PIK3R4: variants seen among roughly 807,000 people sequenced by gnomAD.
PIK3R4 encodes phosphoinositide-3-kinase regulatory subunit 4, also known as phosphoinositide 3-kinase regulatory subunit 4.
In PIK3R4, 46 loss-of-function variants were observed where a neutral mutation model predicts 136.5. That is an observed-to-expected ratio of 0.34 (90% CI 0.27 to 0.43). The LOEUF (loss-of-function observed/expected upper bound fraction) is 0.43. Ranked by LOEUF, PIK3R4 falls within the 20% of genes least tolerant of loss-of-function variation. PIK3R4 has a pLI of 1.00. For synonymous variants in PIK3R4, 557 were observed against 566.7 expected (o/e 0.98, Z 0.24); for missense variants, 1,331 against 1,649.5 (o/e 0.81, Z 3.35).
chr3:130,733,364 G>C (rs2066768676), intron 4 of PIK3R4, among the ~76,000 whole-genome samples, 184 bp downstream of exon 4: 1 of 152,172 alleles, frequency 6.6e-6, no homozygotes, highest in Admixed American at 6.5e-5. Context: ...TCAAAAGTGA[G>C]AGAACACACA....
intron 2 of PIK3R4, among the ~76,000 whole-genome samples, chr3:130,741,947 C>T (rs1246327379): frequency 6.6e-6 from 1 of 152,194 alleles, no homozygotes; most frequent in East Asian, 1.9e-4. Flanking sequence ...GAAACTGCAA[C>T]TTTAAGTACA....
In PIK3R4 at chr3:130,726,017, G is replaced by C. The variant is rs573393245; in HGVS notation, c.1808-2430C>G. On this transcript the variant is annotated intron_variant, in intron 6 of 19. Coordinates refer to ENST00000356763, the MANE Select transcript of PIK3R4 (RefSeq NM_014602.3). ...TTTGAATAGCTTATAAATGTGTCAT[G>C]AGTTTTAAAAATAAATTCACATTCT... 8 of 152,148 alleles carry C rather than the reference G, an allele frequency of 5.3e-5. No individual in the cohort carries two copies. The South Asian group carries it at 1.7e-3, about 32-fold the overall frequency. 9.4% of individuals were successfully genotyped at this position (152,148 alleles called of 1,614,324 possible). A position where few individuals can be genotyped will look rare whatever the true frequency, so the allele number is the denominator to read the frequency against.
chr3:130,716,751 C>G, intron 8 of PIK3R4, 152 bp from the exon 9 acceptor site: 1 of 604,958 alleles, frequency 1.7e-6, no homozygotes, highest in South Asian at 2.1e-5. Flanking sequence ...AAAAAGAATA[C>G]TAGTAAAATT....
Position 130,707,049 on chromosome 3 carries a change from C to T in PIK3R4, c.2620G>A (p.Ala874Thr), listed in dbSNP as rs755896196. Residue 874 changes from alanine to threonine, a missense_variant, in exon 11 of 20, where the codon GCC becomes ACC. By Grantham distance (58) the Ala-to-Thr change is moderately conservative. Around this residue, in one of 2 missense-constraint regions of PIK3R4, gnomAD observed 1,180 missense variants for 1,407.0 expected, o/e 0.84. Coordinates refer to ENST00000356763, the MANE Select transcript of PIK3R4 (RefSeq NM_014602.3). ...GSLDPPNMPQ[A>T]LPKGSDQEVI... Reference sequence around the variant, plus strand: ...TCCTGATCACTCCCTTTAGGTAGGGCCTGTGGCATGTTTGGTGGGTCCAGT... The same window carrying T: ...TCCTGATCACTCCCTTTAGGTAGGGTCTGTGGCATGTTTGGTGGGTCCAGT... 6 of 1,612,748 alleles carry T rather than the reference C, an allele frequency of 3.7e-6. No homozygotes were observed. The highest frequency in any genetic ancestry group is 2.7e-5 in the African/African-American group (2 of 74,984).
At chr3:130,688,785 G>A (rs1282537118) in intron 14 of PIK3R4, among the ~76,000 whole-genome samples, 1 of 151,996 alleles carries the variant, frequency 6.6e-6, no homozygotes, top group Non-Finnish European at 1.5e-5. Flanking sequence ...TTAGATCAGA[G>A]GTCAGCAAAC....
At position 130,686,302 on chromosome 3, in the gene PIK3R4, A is replaced by G. The variant is rs1291995247; in HGVS notation, c.3384T>C (p.Ser1128=). The G allele has an allele frequency of 3.7e-6, 6 of 1,613,612 alleles. No homozygotes were observed. Among genetic ancestry groups the G allele is most frequent in the Non-Finnish European group, 4.2e-6 (5 of 1,179,568 alleles). ...GCTTTAAAGTCCACGCATTGCTTGA[A>G]GACCTAAGGTCCCAGCCAACCAGAG... is the stretch of plus-strand genomic sequence containing the variant. The part of the protein sequence containing the change: ...NGSLVGWDLR[S]SSNAWTLKHD... Residue 1128 remains serine (S), a synonymous_variant, in exon 15 of 20, where the codon TCT becomes TCC. Coordinates refer to ENST00000356763, the MANE Select transcript of PIK3R4 (RefSeq NM_014602.3).
At chr3:130,735,099 T>A (rs1193694052) in intron 3 of PIK3R4, among the ~76,000 whole-genome samples, 3 of 152,128 alleles carry the variant, frequency 2.0e-5, no homozygotes, top group African/African-American at 7.2e-5. Flanking sequence ...CTACACCAAC[T>A]CCTCATCCAG....
At chr3:130,721,486 G>C (rs1423902728) in intron 7 of PIK3R4, among the ~76,000 whole-genome samples, 1 of 152,122 alleles carries the variant, frequency 6.6e-6, no homozygotes, top group Non-Finnish European at 1.5e-5. Context: ...AGTCGACATA[G>C]GAAATCAATT....
Position 130,723,538 on chromosome 3 carries a change from C to G in PIK3R4, c.1857G>C (p.Leu619=). 1 of 1,613,996 alleles carries G rather than the reference C, an allele frequency of 6.2e-7. No homozygotes were observed. The highest frequency in any genetic ancestry group is 8.5e-7 in the Non-Finnish European group (1 of 1,179,962). ...GWQSSSILKP[L]LQQGLSDAEE... ...CAGCATCACTAAGACCTTGTTGCAG[C>G]AGAGGCTTGAGAATTGAGGAGCTTT... The change falls in exon 7 of 20, where the codon CTG becomes CTC. Residue 619 remains leucine, a synonymous_variant. Transcript: ENST00000356763.
chr3:130,685,399 A>T (rs1401467142), intron 15 of PIK3R4, among the ~76,000 whole-genome samples: 1 of 152,216 alleles, frequency 6.6e-6, no homozygotes, highest in Non-Finnish European at 1.5e-5. Flanking sequence ...TTGTTTGTCA[A>T]AAAAGAAATT....
intron 2 of PIK3R4, 26 bp downstream of exon 2, chr3:130,744,460 T>G (rs563957183): frequency 1.3e-6 from 2 of 1,571,302 alleles, no homozygotes; most frequent in South Asian, 2.4e-5. Context: ...ACATGCTCCC[T>G]TAGCAAATGT....
intron 8 of PIK3R4, 136 bp downstream of exon 8, chr3:130,718,253 C>T (rs1394584271): frequency 8.5e-6 from 6 of 707,536 alleles, no homozygotes; most frequent in Non-Finnish European, 1.4e-5. Context: ...CATTAATTAG[C>T]TTGAAAGGAA....
intron 15 of PIK3R4, 33 bp from the exon 16 acceptor site, chr3:130,684,414 T>A: frequency 6.3e-7 from 1 of 1,596,284 alleles, no homozygotes; most frequent in Non-Finnish European, 8.6e-7. Context: ...GATTACCATC[T>A]AATGATCAAA....
chr3:130,726,732 A>AT lies in PIK3R4; in HGVS notation c.1807+1730dup, dbSNP rs1234723675. On this transcript the variant is annotated intron_variant, in intron 6 of 19. Transcript: ENST00000356763. Reference sequence around the variant, plus strand: ...TTCCAAAAGTAATATAAGCATATTTATTTTTTATAAATAAAAAATTTATTT... The same window carrying AT: ...TTCCAAAAGTAATATAAGCATATTTATTTTTTTATAAATAAAAAATTTATTT... 3.9e-5 allele frequency among the ~76,000 whole-genome samples: 6 copies of AT among 151,978 alleles called. No individual in the cohort carries two copies. The East Asian group carries it at 1.2e-3, about 29-fold the overall frequency.
chr3:130,685,123 G>A (rs544428346), intron 15 of PIK3R4, among the ~76,000 whole-genome samples: 3 of 152,234 alleles, frequency 2.0e-5, no homozygotes, highest in South Asian at 4.1e-4. Context: ...GGAAAAACGC[G>A]AAACTTAAGA....
rs1036124027 is a variant in PIK3R4, at chr3:130,679,456, T to G, written c.3936A>C (p.Pro1312=). 1.2e-6 allele frequency: 2 copies of G among 1,612,182 alleles called. No homozygotes were observed. Among genetic ancestry groups the G allele is most frequent in the Non-Finnish European group, 1.7e-6 (2 of 1,178,822 alleles). Residue 1312 remains proline, a synonymous_variant, in exon 20 of 20, where the codon CCA becomes CCC. Transcript: ENST00000356763. ...GGCCCCTTCGAGGGGTGTCATCACT[T>G]GGTCCTACTTTCTGCTTATTCTGAA... ...QEIQNKQKVG[P]SDDTPRRGPE...
chr3:130,737,982 T>A (rs557281554), intron 2 of PIK3R4, among the ~76,000 whole-genome samples: 1 of 152,216 alleles, frequency 6.6e-6, no homozygotes, highest in African/African-American at 2.4e-5. Context: ...ATGTTTCTTC[T>A]TGTCTACATG....
chr3:130,690,892 CTCT>C (rs1166916597), intron 13 of PIK3R4, among the ~76,000 whole-genome samples: 2 of 140,284 alleles, frequency 1.4e-5, no homozygotes, highest in Admixed American at 6.7e-5. Flanking sequence ...CCTCCTTCTC[CTCT>C]TTTTTTTTTT....
Position 130,679,003 on chromosome 3 carries a change from A to G in PIK3R4, c.*312T>C, listed in dbSNP as rs1054236485. 3.6e-5 allele frequency: 6 copies of G among 166,332 alleles called. No homozygotes were observed. The highest frequency in any genetic ancestry group is 1.4e-4 in the African/African-American group (6 of 41,936). The allele number at this position is 166,332 out of a possible 1,614,324, so 10.3% of individuals were successfully genotyped here. A position where few individuals can be genotyped will look rare whatever the true frequency, so the allele number is the denominator to read the frequency against. On this transcript the variant is annotated 3_prime_UTR_variant, in exon 20 of 20. Coordinates refer to ENST00000356763, the MANE Select transcript of PIK3R4 (RefSeq NM_014602.3). ...GTTTATACTATAATAGCTTACAACC[A>G]TCTTTTCAACCATCTTTTTCAATAC...
Sources: allele counts gnomAD v4.1 joint callset (sites outside exome capture counted in the v4.1 genomes callset), GRCh38; gene constraint gnomAD v4.1.1; regional missense constraint gnomAD v4.1.1; transcripts MANE v1.5; gene names NCBI Gene and HGNC (gene_info 2026-07-23, HGNC 2026-07-21).